PDE8A: variants seen among roughly 807,000 people sequenced by gnomAD.
PDE8A encodes the protein phosphodiesterase 8A.
In PDE8A, 59 loss-of-function variants were observed where a neutral mutation model predicts 105.0. The observed-to-expected ratio is 0.56, with a 90% CI of 0.46 to 0.70. The LOEUF is 0.70. Among genes scored for constraint, PDE8A ranks in the 30% least tolerant of loss-of-function variants. PDE8A has a pLI of 0.00. For missense variants in PDE8A, 1,014 were observed against 1,045.9 expected (o/e 0.97, Z 0.42); for synonymous variants, 355 against 371.9 (o/e 0.95, Z 0.52).
intron 20 of PDE8A, among the ~76,000 whole-genome samples, chr15:85,135,004 G>A (rs1451725720): frequency 6.6e-6 from 1 of 152,190 alleles, no homozygotes; most frequent in Non-Finnish European, 1.5e-5. Flanking sequence ...GCGGTGGGGG[G>A]AGAGAGATGC....
At chr15:85,134,999 G>T (rs1055816574) in intron 20 of PDE8A, among the ~76,000 whole-genome samples, 4 of 152,158 alleles carry the variant, frequency 2.6e-5, no homozygotes, top group Non-Finnish European at 4.4e-5. Flanking sequence ...GAGCTGCGGT[G>T]GGGGGAGAGA....
chr15:85,123,367 CA>C (rs1286432920), intron 19 of PDE8A, among the ~76,000 whole-genome samples, 174 bp downstream of exon 19: 2 of 127,298 alleles, frequency 1.6e-5, no homozygotes, highest in African/African-American at 2.6e-5. Context: ...CACACACACA[CA>C]CACACACACA....
chr15:85,088,967 G>A (rs2081596750), intron 6 of PDE8A, among the ~76,000 whole-genome samples: 1 of 152,116 alleles, frequency 6.6e-6, no homozygotes. Context: ...CAGTATTCTT[G>A]ACTCTATTCT....
chr15:85,135,971 C>T (rs903827804), intron 20 of PDE8A, among the ~76,000 whole-genome samples: 2 of 152,060 alleles, frequency 1.3e-5, no homozygotes, highest in African/African-American at 4.8e-5. Context: ...AAAGTGGCCC[C>T]TGTGTGGGGA....
Position 85,120,921 on chromosome 15 carries a change from A to G in PDE8A, c.1859A>G (p.Asn620Ser), listed in dbSNP as rs1258474304. ...NAGSELAILY[N>S]DTAVLESHHA... ...GGAAGTGAGCTGGCCATTTTGTACAATGACACTGCTGTGCTGGAGAGCCAC... is the reference window on the plus strand; with the variant it reads ...GGAAGTGAGCTGGCCATTTTGTACAGTGACACTGCTGTGCTGGAGAGCCAC... Residue 620 changes from asparagine (N) to serine (S), a missense_variant, in exon 18 of 22, where the codon AAT becomes AGT. Asn to Ser is a conservative substitution (Grantham distance 46, BLOSUM62 1). Transcript: ENST00000394553. The G allele has an allele frequency of 6.2e-7, 1 of 1,614,132 alleles. No homozygotes were observed. The highest frequency in any genetic ancestry group is 8.5e-7 in the Non-Finnish European group (1 of 1,179,976).
At chr15:85,015,897 G>C (rs1168436924) in intron 1 of PDE8A, among the ~76,000 whole-genome samples, 1 of 152,178 alleles carries the variant, frequency 6.6e-6, no homozygotes, top group Non-Finnish European at 1.5e-5. Flanking sequence ...AGCACTTTGG[G>C]AGGGTGAGGT....
intron 1 of PDE8A, among the ~76,000 whole-genome samples, chr15:85,043,484 C>T (rs1482187042): frequency 1.3e-5 from 2 of 152,120 alleles, no homozygotes; most frequent in South Asian, 2.1e-4. Context: ...AAGAAGATCT[C>T]GGATTGGGTT....
At chr15:85,106,933 GCTTC>G (rs1469072391) in intron 11 of PDE8A, among the ~76,000 whole-genome samples, 1 of 152,148 alleles carries the variant, frequency 6.6e-6, no homozygotes, top group African/African-American at 2.4e-5. Flanking sequence ...TATTTATTGA[GCTTC>G]TATACACATA....
chr15:85,099,963 C>A lies in PDE8A; in HGVS notation c.942-52C>A, dbSNP rs184424883. 4,031 of 1,411,266 alleles carry A rather than the reference C, an allele frequency of 2.9e-3. 13 individuals are homozygous for A. The highest frequency in any genetic ancestry group is 3.6e-3 in the Non-Finnish European group (3,623 of 1,010,484). The allele number at this position is 1,411,266 out of a possible 1,614,324, so 87.4% of individuals were successfully genotyped here. A position where few individuals can be genotyped will look rare whatever the true frequency, so the allele number is the denominator to read the frequency against. ...TCGTAATGAAAAATTAACGACATAT[C>A]CATCAAATTAGAGACTCAGAAGAGA... On this transcript the variant is annotated intron_variant, in intron 9 of 21. Coordinates refer to ENST00000394553, the MANE Select transcript of PDE8A (RefSeq NM_002605.3).
In PDE8A at chr15:85,047,097, G is replaced by A. The variant is rs528315547; in HGVS notation, c.187-17273G>A. Among the ~76,000 whole-genome samples the A allele has an allele frequency of 1.3e-3, 193 of 152,264 alleles. 1 individual carries two copies. The highest frequency in any genetic ancestry group is 1.2e-4 in the Non-Finnish European group (8 of 68,012). On this transcript the variant is annotated intron_variant, in intron 1 of 21. Coordinates refer to ENST00000394553, the MANE Select transcript of PDE8A (RefSeq NM_002605.3). ...TTTTGTTTCTATATTGCTTAAAAATGTCAGTTGCTTTTAAAGCTGAAAGAT... is the reference window on the plus strand; with the variant it reads ...TTTTGTTTCTATATTGCTTAAAAATATCAGTTGCTTTTAAAGCTGAAAGAT...
chr15:85,079,405 T>A (rs1190187029), intron 5 of PDE8A, among the ~76,000 whole-genome samples: 1 of 152,178 alleles, frequency 6.6e-6, no homozygotes, highest in Non-Finnish European at 1.5e-5. Context: ...CTGGGGGTAA[T>A]TGGTATCTTG....
In PDE8A at chr15:84,984,921, C is replaced by T. The variant is rs571533295; in HGVS notation, c.186+2573C>T. On this transcript the variant is annotated intron_variant, in intron 1 of 21. Transcript: ENST00000394553. ...AAATATAATGCAGATATTCCAAAAG[C>T]CAAAAAAAAAAAATCCAAAACACTT... Among the ~76,000 whole-genome samples, 4 of 146,536 alleles carry T rather than the reference C, an allele frequency of 2.7e-5. No individual in the cohort carries two copies. The South Asian group carries it at 8.6e-4, about 32-fold the overall frequency.
intron 1 of PDE8A, among the ~76,000 whole-genome samples, chr15:85,051,704 A>G (rs1439817743): frequency 1.3e-5 from 2 of 152,064 alleles, no homozygotes; most frequent in Non-Finnish European, 2.9e-5. Context: ...TGCTTAGAGA[A>G]CACACAGTGT....
intron 1 of PDE8A, among the ~76,000 whole-genome samples, chr15:84,983,593 A>T (rs749948873): frequency 7.2e-5 from 11 of 152,224 alleles, no homozygotes; most frequent in Non-Finnish European, 1.6e-4. Context: ...TCTCCTATAG[A>T]TTCTTTAAAG....
intron 8 of PDE8A, among the ~76,000 whole-genome samples, chr15:85,096,654 AC>A (rs1283366411): frequency 6.6e-6 from 1 of 151,782 alleles, no homozygotes; most frequent in Non-Finnish European, 1.5e-5. Flanking sequence ...TGCCTAGGGA[AC>A]CCTGTTTAGT....
In PDE8A at chr15:85,089,457, T is replaced by C. The variant is rs775290452; in HGVS notation, c.714+41T>C. On this transcript the variant is annotated intron_variant, in intron 7 of 21. Transcript: ENST00000394553. The stretch of plus-strand genomic sequence containing the variant: ...AATCTGTCTTTCTGGATTTCTTGTT[T>C]TGCTTTTTCCAACTTTTAGGATTGA... 10 of 1,260,606 alleles carry C rather than the reference T, an allele frequency of 7.9e-6. No individual in the cohort carries two copies. The South Asian group carries it at 1.0e-4, about 13-fold the overall frequency. 78.1% of individuals were successfully genotyped at this position (1,260,606 alleles called of 1,614,324 possible).
rs759331681 is a variant in PDE8A at position 85,137,807 on chromosome 15, C to A, written c.2394C>A (p.Asp798Glu). 4.4e-6 allele frequency: 7 copies of A among 1,606,620 alleles called. No homozygotes were observed. The African/African-American group carries it at 9.4e-5, about 21-fold the overall frequency. Residue 798 changes from aspartate (D) to glutamate (E), a missense_variant, in exon 22 of 22, where the codon GAC (aspartate) becomes GAA (glutamate). By Grantham distance (45) the Asp-to-Glu change is conservative (BLOSUM62 2). Transcript: ENST00000394553. Reference sequence around the variant, plus strand: ...TATCTTTCTCTCCAGCCTTTGTAGACCTGCCTGATTTAATGCAGCATCTTG... The same window carrying A: ...TATCTTTCTCTCCAGCCTTTGTAGAACTGCCTGATTTAATGCAGCATCTTG... ...DMFDAWDAFV[D>E]LPDLMQHLDN...
At chr15:85,046,443 G>C (rs776002513) in intron 1 of PDE8A, among the ~76,000 whole-genome samples, 2 of 152,160 alleles carry the variant, frequency 1.3e-5, no homozygotes, top group African/African-American at 2.4e-5. Flanking sequence ...TAATAAGCTG[G>C]TATGAGTATA....
chr15:85,071,377 C>G (rs957264863), intron 3 of PDE8A, among the ~76,000 whole-genome samples: 1 of 152,178 alleles, frequency 6.6e-6, no homozygotes, highest in African/African-American at 2.4e-5. Context: ...TCCCTGCTGC[C>G]CCTGATTCTT....
Sources: allele counts gnomAD v4.1 joint callset (sites outside exome capture counted in the v4.1 genomes callset), GRCh38; gene constraint gnomAD v4.1.1; transcripts MANE v1.5; gene names NCBI Gene and HGNC (gene_info 2026-07-23, HGNC 2026-07-21).